Variants in PAK2 observed in about 807,000 individuals in gnomAD.
PAK2 encodes the protein serine/threonine-protein kinase PAK 2.
PAK2 carries 21 observed loss-of-function variants against 65.9 expected under a neutral mutation model. The ratio of observed to expected loss-of-function variants is 0.32; its 90% CI spans 0.23 to 0.46. The LOEUF is 0.46. Among genes scored for constraint, PAK2 ranks in the 20% least tolerant of loss-of-function variants. The pLI is 1.00. For missense variants in PAK2, 324 were observed against 642.6 expected (o/e 0.50, Z 5.36); for synonymous variants, 204 against 219.7 (o/e 0.93, Z 0.63).
In PAK2 at chr3:196,762,948, C is replaced by G. The variant is rs545879815; in HGVS notation, c.-21-19678C>G. Reference sequence around the variant, plus strand: ...TTTGAACATGAAAAAACATAATTGACTGACTATAACAGGGTAATTGAGTAA... The same window carrying G: ...TTTGAACATGAAAAAACATAATTGAGTGACTATAACAGGGTAATTGAGTAA... On this transcript the variant is annotated intron_variant, in intron 1 of 14. Transcript: ENST00000327134. 2.0e-5 allele frequency among the ~76,000 whole-genome samples: 3 copies of G among 152,204 alleles called. No individual in the cohort carries two copies. The East Asian group carries it at 5.8e-4, about 29-fold the overall frequency.
intron 2 of PAK2, among the ~76,000 whole-genome samples, chr3:196,800,665 G>A (rs1217512529): frequency 6.6e-6 from 1 of 152,180 alleles, no homozygotes; most frequent in Non-Finnish European, 1.5e-5. Flanking sequence ...TTGCAACAGA[G>A]CAGAGCCTTC....
chr3:196,815,559 C>A (rs779316372), intron 11 of PAK2, among the ~76,000 whole-genome samples: 3 of 151,284 alleles, frequency 2.0e-5, no homozygotes, highest in Non-Finnish European at 2.9e-5. Context: ...GAGGCCGAGG[C>A]GGGCAGATCA....
At chr3:196,780,626 A>G (rs1007887387) in intron 1 of PAK2, among the ~76,000 whole-genome samples, 2 of 152,334 alleles carry the variant, frequency 1.3e-5, no homozygotes, top group Middle Eastern at 3.4e-3. Flanking sequence ...TATCACTCCC[A>G]GAAATGTTTT....
chr3:196,805,432 C>T (rs113295454), intron 5 of PAK2, 49 bp downstream of exon 5: 3 of 895,232 alleles, frequency 3.4e-6, no homozygotes, highest in African/African-American at 1.7e-5. Context: ...ATTTAGGTTA[C>T]CCAAGACAAA....
intron 10 of PAK2, 77 bp from the exon 11 acceptor site, chr3:196,814,374 T>A (rs766664434): frequency 3.1e-4 from 198 of 644,108 alleles, no homozygotes; most frequent in Non-Finnish European, 4.9e-4. Context: ...TGTTTAATAT[T>A]TGAATTCTTC....
chr3:196,819,943 G>GACC (rs1711596116), intron 12 of PAK2, among the ~76,000 whole-genome samples: 1 of 152,124 alleles, frequency 6.6e-6, no homozygotes, highest in Admixed American at 6.6e-5. Context: ...AGGAGTTCAA[G>GACC]ACCAGCCTAG....
intron 3 of PAK2, among the ~76,000 whole-genome samples, chr3:196,802,546 G>T (rs879335205): frequency 1.6e-4 from 24 of 151,878 alleles, no homozygotes; most frequent in Non-Finnish European, 2.9e-4. Flanking sequence ...AACAGACTTA[G>T]AAAAAATAGA....
intron 2 of PAK2, among the ~76,000 whole-genome samples, chr3:196,797,760 T>A (rs56126144): frequency 0.26 from 39,806 of 150,684 alleles, 5,897 homozygotes; most frequent in African/African-American, 0.4. Flanking sequence ...CAAAAAAAAA[T>A]AAAATAAATA....
chr3:196,765,614 T>G (rs1242938669), intron 1 of PAK2, among the ~76,000 whole-genome samples: 1 of 152,190 alleles, frequency 6.6e-6, no homozygotes, highest in African/African-American at 2.4e-5. Context: ...TAATTTACAT[T>G]TCATTAATGT....
chr3:196,795,459 C>G (rs970079104), intron 2 of PAK2, among the ~76,000 whole-genome samples: 1 of 151,650 alleles, frequency 6.6e-6, no homozygotes, highest in Admixed American at 6.6e-5. Context: ...AGAGCGAGAC[C>G]CTGTTTCAAA....
intron 1 of PAK2, among the ~76,000 whole-genome samples, chr3:196,759,684 G>A (rs1713898954): frequency 6.6e-6 from 1 of 151,224 alleles, no homozygotes; most frequent in Non-Finnish European, 1.5e-5. Context: ...GCACCACCAC[G>A]CCCAGCTAAT....
chr3:196,764,418 C>T (rs1313036655), intron 1 of PAK2, among the ~76,000 whole-genome samples: 3 of 151,866 alleles, frequency 2.0e-5, no homozygotes, highest in African/African-American at 4.8e-5. Context: ...GAGTTCAAGA[C>T]CAGCCTGGCC....
At position 196,800,390 on chromosome 3, in the gene PAK2, A is replaced by AAAAG. The variant is rs764218689; in HGVS notation, c.188-1521_188-1518dup. On this transcript the variant is annotated intron_variant, in intron 2 of 14. Coordinates refer to ENST00000327134, the MANE Select transcript of PAK2 (RefSeq NM_002577.4). The stretch of plus-strand genomic sequence containing the variant: ...GAATGAGACTCCCTGTTAAAAAAGA[A>AAAAG]AAAGAAAGAAAGAAAGAAATTCTCC... Among the ~76,000 whole-genome samples, 10 of 152,274 alleles carry AAAAG rather than the reference A, an allele frequency of 6.6e-5. No homozygotes were observed. In the East Asian group the frequency reaches 9.6e-4, roughly 15 times the overall value.
At chr3:196,756,696 C>T (rs766655772) in intron 1 of PAK2, among the ~76,000 whole-genome samples, 4 of 152,142 alleles carry the variant, frequency 2.6e-5, no homozygotes, top group South Asian at 4.1e-4. Context: ...ATTAGCTGGG[C>T]GTGATGGCAC....
chr3:196,774,713 ATGG>A lies in PAK2; in HGVS notation c.-21-7912_-21-7910del, dbSNP rs1714480687. Among the ~76,000 whole-genome samples the A allele has an allele frequency of 5.9e-5, 9 of 152,288 alleles. No homozygotes were observed. In the South Asian group the frequency reaches 1.9e-3, roughly 32 times the overall value. On this transcript the variant is annotated intron_variant, in intron 1 of 14. Coordinates refer to ENST00000327134, the MANE Select transcript of PAK2 (RefSeq NM_002577.4). ...GAGTTTAGTCCTCAGTCTGTAGGTTATGGGCAGCTAGTCAGGACGATGTGTAGC... is the reference window on the plus strand; with the variant it reads ...GAGTTTAGTCCTCAGTCTGTAGGTTAGCAGCTAGTCAGGACGATGTGTAGC...
At chr3:196,756,354 G>GT (rs546203585) in intron 1 of PAK2, among the ~76,000 whole-genome samples, 111 of 151,730 alleles carry the variant, frequency 7.3e-4, no homozygotes, top group South Asian at 3.5e-3. Flanking sequence ...GCAATTCTGG[G>GT]TTTTTTTTGC....
rs148309817 is a variant in PAK2, at chr3:196,813,752, C to T, written c.936-699C>T. The stretch of plus-strand genomic sequence containing the variant: ...GGATCACCAGGTCATGAGATCGAGA[C>T]CATCCTGGCCAACGTGGTGAAACCC... On this transcript the variant is annotated intron_variant, in intron 10 of 14. Coordinates refer to ENST00000327134, the MANE Select transcript of PAK2 (RefSeq NM_002577.4). 9.7e-4 allele frequency among the ~76,000 whole-genome samples: 148 copies of T among 152,086 alleles called. 1 individual carries two copies. Among genetic ancestry groups the T allele is most frequent in the Non-Finnish European group, 1.8e-3 (124 of 67,996 alleles).
intron 13 of PAK2, among the ~76,000 whole-genome samples, chr3:196,823,199 GTA>G (rs1400220689): frequency 1.3e-5 from 2 of 152,176 alleles, no homozygotes; most frequent in African/African-American, 4.8e-5. Context: ...GACCAGGGCA[GTA>G]TCAGTGGAGG....
At chr3:196,757,186 G>A (rs1201180751) in intron 1 of PAK2, among the ~76,000 whole-genome samples, 2 of 152,186 alleles carry the variant, frequency 1.3e-5, no homozygotes, top group Non-Finnish European at 2.9e-5. Context: ...AGGTGACTTA[G>A]GTCAGAGCAG....
Sources: allele counts gnomAD v4.1 joint callset (sites outside exome capture counted in the v4.1 genomes callset), GRCh38; gene constraint gnomAD v4.1.1; transcripts MANE v1.5; gene names NCBI Gene and HGNC (gene_info 2026-07-23, HGNC 2026-07-21).